P2RX3: variants seen among roughly 807,000 people sequenced by gnomAD.
P2RX3 encodes P2X purinoceptor 3.
In P2RX3, 41 loss-of-function variants were observed where a neutral mutation model predicts 51.5. The observed-to-expected ratio is 0.80, with a 90% CI of 0.62 to 1.03. P2RX3 has a LOEUF of 1.03. Ranked by LOEUF, P2RX3 falls within the 50% of genes least tolerant of loss-of-function variation. The pLI is 0.00. For synonymous variants in P2RX3, 185 were observed against 191.6 expected (o/e 0.97, Z 0.29); for missense variants, 459 against 522.1 (o/e 0.88, Z 1.18).
intron 8 of P2RX3, among the ~76,000 whole-genome samples, chr11:57,367,483 G>A (rs1464303145): frequency 6.6e-6 from 1 of 152,196 alleles, no homozygotes; most frequent in African/African-American, 2.4e-5. Context: ...CACTTTTGGA[G>A]GCCGAGGCGG....
At chr11:57,343,673 C>A (rs1438508690) in intron 1 of P2RX3, among the ~76,000 whole-genome samples, 2 of 152,318 alleles carry the variant, frequency 1.3e-5, no homozygotes, top group East Asian at 3.9e-4. Context: ...TGTTCCTGGA[C>A]TTTAAGGACG....
intron 8 of P2RX3, among the ~76,000 whole-genome samples, chr11:57,354,768 T>C (rs1235876408): frequency 2.0e-5 from 3 of 152,068 alleles, no homozygotes; most frequent in Non-Finnish European, 2.9e-5. Flanking sequence ...TAGGCATTGA[T>C]GGTGCAATGA....
At chr11:57,351,692 C>A (rs1049630672) in intron 8 of P2RX3, among the ~76,000 whole-genome samples, 1 of 152,164 alleles carries the variant, frequency 6.6e-6, no homozygotes, top group African/African-American at 2.4e-5. Context: ...TTTTGTTTCT[C>A]TCTTCTTTTT....
At chr11:57,361,964 T>C (rs549864742) in intron 8 of P2RX3, among the ~76,000 whole-genome samples, 1 of 152,330 alleles carries the variant, frequency 6.6e-6, no homozygotes, top group South Asian at 2.1e-4. Flanking sequence ...TAGCTACTTA[T>C]GGGCTTGTGT....
At chr11:57,350,046 G>C in intron 7 of P2RX3, 148 bp downstream of exon 7, 2 of 1,284,196 alleles carry the variant, frequency 1.6e-6, no homozygotes, top group Non-Finnish European at 2.1e-6. Context: ...CTGGCTTTGT[G>C]CCTGAATCCT....
At chr11:57,366,800 C>T (rs1328000187) in intron 8 of P2RX3, among the ~76,000 whole-genome samples, 3 of 152,084 alleles carry the variant, frequency 2.0e-5, no homozygotes, top group Non-Finnish European at 2.9e-5. Flanking sequence ...GGTGTGCTAA[C>T]GTGCTAGCTC....
intron 8 of P2RX3, among the ~76,000 whole-genome samples, chr11:57,362,625 A>G (rs1373655716): frequency 1.3e-5 from 2 of 152,174 alleles, no homozygotes; most frequent in Admixed American, 6.5e-5. Context: ...CAAGCAACAA[A>G]AGAACAGTGT....
At chr11:57,368,185 G>A in intron 9 of P2RX3, 83 bp downstream of exon 9, 8 of 1,451,284 alleles carry the variant, frequency 5.5e-6, no homozygotes, top group Admixed American at 1.7e-5. Context: ...CTCCTCTGGG[G>A]GGCAGGGGTC....
chr11:57,368,476 A>C lies in P2RX3; in HGVS notation c.1002+39A>C, dbSNP rs1270402585. The C allele has an allele frequency of 3.1e-6, 5 of 1,609,032 alleles. No homozygotes were observed. The South Asian group carries it at 5.5e-5, about 18-fold the overall frequency. On this transcript the variant is annotated intron_variant, in intron 10 of 11. Coordinates refer to ENST00000263314, the MANE Select transcript of P2RX3 (RefSeq NM_002559.5). Reference sequence around the variant, plus strand: ...CTCCACGCTCTGACGGGCCAGTCAGAGTGGGGCCCGGACTGGTACCAGCAG... The same window carrying C: ...CTCCACGCTCTGACGGGCCAGTCAGCGTGGGGCCCGGACTGGTACCAGCAG...
Position 57,370,323 on chromosome 11 carries a change from G to T in P2RX3, c.*326G>T. On this transcript the variant is annotated 3_prime_UTR_variant, in exon 12 of 12. Coordinates refer to ENST00000263314, the MANE Select transcript of P2RX3 (RefSeq NM_002559.5). ...GCCACAAGGGCCTACCAAGTGCCAG[G>T]CACTTTCACACACGTTATCTCATTT... 3.6e-6 allele frequency: 1 copy of T among 280,742 alleles called. No individual in the cohort carries two copies. Among genetic ancestry groups the T allele is most frequent in the Non-Finnish European group, 6.7e-6 (1 of 149,886 alleles). 17.4% of individuals were successfully genotyped at this position (280,742 alleles called of 1,614,324 possible). A position where few individuals can be genotyped will look rare whatever the true frequency, so the allele number is the denominator to read the frequency against.
intron 8 of P2RX3, among the ~76,000 whole-genome samples, chr11:57,357,713 T>C (rs1390178504): frequency 6.6e-6 from 1 of 152,182 alleles, no homozygotes; most frequent in Admixed American, 6.5e-5. Flanking sequence ...GCCTGGAATA[T>C]GAATAAATAA....
chr11:57,356,434 C>T (rs530057181), intron 8 of P2RX3, among the ~76,000 whole-genome samples: 16 of 152,298 alleles, frequency 1.1e-4, no homozygotes, highest in South Asian at 8.3e-4. Context: ...TAAAAGGCAA[C>T]GCAGTTTTGG....
At chr11:57,369,336 G>GC (rs1856845515) in intron 10 of P2RX3, 25 bp from the exon 11 acceptor site, 2 of 1,604,540 alleles carry the variant, frequency 1.2e-6, no homozygotes, top group Admixed American at 1.7e-5. Context: ...ACCCCTCGGA[G>GC]CCCGCCCTGC....
Position 57,370,886 on chromosome 11 carries a change from G to T in P2RX3, c.*889G>T, listed in dbSNP as rs567961476. Among the ~76,000 whole-genome samples the T allele has an allele frequency of 1.1e-3, 173 of 152,346 alleles. No homozygotes were observed. The highest frequency in any genetic ancestry group is 1.9e-3 in the Non-Finnish European group (127 of 68,038). ...CGTAGGCTGGGACCCTGTTCCAGGA[G>T]TTCAGCAGTCCTCATTTACAACAAC... On this transcript the variant is annotated 3_prime_UTR_variant, in exon 12 of 12. Transcript: ENST00000263314.
chr11:57,358,621 G>A (rs973790446), intron 8 of P2RX3, among the ~76,000 whole-genome samples: 1 of 152,050 alleles, frequency 6.6e-6, no homozygotes, highest in African/African-American at 2.4e-5. Flanking sequence ...TGTAAAATGG[G>A]CTGGTTAAAG....
intron 4 of P2RX3, 143 bp downstream of exon 4, chr11:57,347,621 C>T: frequency 2.2e-6 from 2 of 907,370 alleles, no homozygotes; most frequent in East Asian, 2.6e-5. Context: ...GGTGCCACAC[C>T]CAGTGGGTGC....
At chr11:57,361,186 G>A (rs966382375) in intron 8 of P2RX3, among the ~76,000 whole-genome samples, 3 of 152,120 alleles carry the variant, frequency 2.0e-5, no homozygotes, top group African/African-American at 7.2e-5. Context: ...GTTCTTTCCC[G>A]TGAGAGGGCC....
chr11:57,339,518 TAC>T (rs10685137), intron 1 of P2RX3, among the ~76,000 whole-genome samples: 22 of 150,334 alleles, frequency 1.5e-4, no homozygotes, highest in African/African-American at 2.9e-4. Flanking sequence ...AGCACACACC[TAC>T]ACACACACAC....
chr11:57,357,667 G>A (rs953500961), intron 8 of P2RX3, among the ~76,000 whole-genome samples: 7 of 151,776 alleles, frequency 4.6e-5, no homozygotes, highest in South Asian at 2.1e-4. Flanking sequence ...AACAAGAAGC[G>A]TTTTTTTTAA....
Sources: gnomAD v4.1 joint callset for allele counts (sites outside exome capture counted in the v4.1 genomes callset) on GRCh38, gnomAD v4.1.1 for gene constraint, MANE v1.5 for transcripts, NCBI Gene and HGNC (gene_info 2026-07-23, HGNC 2026-07-21) for gene names.